Variants in BIVM observed in about 807,000 individuals in gnomAD.
The protein encoded by BIVM is basic immunoglobulin-like variable motif-containing protein.
In BIVM, 31 loss-of-function variants were observed where a neutral mutation model predicts 61.4. The ratio of observed to expected loss-of-function variants is 0.51; its 90% CI spans 0.38 to 0.68. The LOEUF is 0.68. Ranked by LOEUF, BIVM falls within the 30% of genes least tolerant of loss-of-function variation. The pLI is 0.00. For missense variants in BIVM, 526 were observed against 596.0 expected (o/e 0.88, Z 1.22); for synonymous variants, 189 against 210.7 (o/e 0.90, Z 0.89).
chr13:102,838,706 A>C lies in BIVM; in HGVS notation c.1185A>C (p.Leu395Phe). ...QNPEYLDIRH[L>F]ERGLQYRKTK... ...CAGAATACCTGGATATCCGGCACTTAGAGAGGGGACTGCAGTATAGAAAAA... is the reference window on the plus strand; with the variant it reads ...CAGAATACCTGGATATCCGGCACTTCGAGAGGGGACTGCAGTATAGAAAAA... The change falls in exon 10 of 11, where the codon TTA (leucine) becomes TTC (phenylalanine). Residue 395 changes from leucine to phenylalanine, a missense_variant. Physicochemically the swap from Leu to Phe is conservative, Grantham distance 22. This residue lies in a region of BIVM where 210 missense variants were observed against 233.1 expected (regional missense o/e 0.90). Coordinates refer to ENST00000257336, the MANE Select transcript of BIVM (RefSeq NM_017693.4). 6.2e-7 allele frequency: 1 copy of C among 1,613,620 alleles called. No individual in the cohort carries two copies. Among genetic ancestry groups the C allele is most frequent in the Non-Finnish European group, 8.5e-7 (1 of 1,179,712 alleles).
chr13:102,828,766 C>G (rs1032362721), intron 7 of BIVM, among the ~76,000 whole-genome samples: 1 of 152,064 alleles, frequency 6.6e-6, no homozygotes, highest in Non-Finnish European at 1.5e-5. Context: ...TAGTGGCTCA[C>G]GCCTGTAATC....
At chr13:102,816,129 C>T (rs1293589457) in intron 3 of BIVM, among the ~76,000 whole-genome samples, 1 of 152,122 alleles carries the variant, frequency 6.6e-6, no homozygotes, top group Non-Finnish European at 1.5e-5. Flanking sequence ...GTGACTAGCT[C>T]TGGAATTGGA....
chr13:102,829,814 C>T (rs1053631025), intron 7 of BIVM, among the ~76,000 whole-genome samples: 3 of 151,586 alleles, frequency 2.0e-5, no homozygotes, highest in Admixed American at 6.6e-5. Flanking sequence ...ACTCCAGCCT[C>T]GGCGACAGAG....
Position 102,839,759 on chromosome 13 carries a change from T to C in BIVM, c.1406T>C (p.Phe469Ser). 1 of 1,614,174 alleles carries C rather than the reference T, an allele frequency of 6.2e-7. No individual in the cohort carries two copies. The highest frequency in any genetic ancestry group is 8.5e-7 in the Non-Finnish European group (1 of 1,180,038). Residue 469 changes from phenylalanine to serine, a missense_variant, in exon 11 of 11, where the codon TTC (phenylalanine) becomes TCC (serine). Physicochemically the swap from Phe to Ser is radical, Grantham distance 155. This residue lies in a region of BIVM where 210 missense variants were observed against 233.1 expected (regional missense o/e 0.90). Coordinates refer to ENST00000257336, the MANE Select transcript of BIVM (RefSeq NM_017693.4). ...KKQHGRLGRS[F>S]SASFHQDSAW... is the part of the protein sequence containing the mutation. ...CAGCATGGGCGTCTGGGCCGGTCTTTCAGTGCTAGTTTCCATCAGGACTCG... is the reference window on the plus strand; with the variant it reads ...CAGCATGGGCGTCTGGGCCGGTCTTCCAGTGCTAGTTTCCATCAGGACTCG...
chr13:102,825,623 G>A (rs1880618545), intron 7 of BIVM, among the ~76,000 whole-genome samples: 1 of 152,218 alleles, frequency 6.6e-6, no homozygotes, highest in African/African-American at 2.4e-5. Flanking sequence ...GCTCCTCGAT[G>A]TTTCCCTGTT....
At chr13:102,804,610 C>T (rs1878947953) in intron 1 of BIVM, among the ~76,000 whole-genome samples, 1 of 151,944 alleles carries the variant, frequency 6.6e-6, no homozygotes, top group Non-Finnish European at 1.5e-5. Flanking sequence ...TGCACCCGGC[C>T]CTTACTGTCT....
intron 5 of BIVM, 110 bp from the exon 6 acceptor site, chr13:102,821,633 A>G: frequency 5.8e-6 from 5 of 860,326 alleles, no homozygotes; most frequent in Non-Finnish European, 8.3e-6. Flanking sequence ...ATAATGAAAA[A>G]TATTACTAAT....
At chr13:102,822,248 A>G (rs761299202) in intron 7 of BIVM, 89 bp downstream of exon 7, 77 of 1,298,632 alleles carry the variant, frequency 5.9e-5, no homozygotes, top group Non-Finnish European at 8.2e-5. Flanking sequence ...CGTCTCAAAG[A>G]CTGCCTGTTT....
At chr13:102,821,188 T>C (rs1172743612) in intron 5 of BIVM, 56 bp downstream of exon 5, 1 of 1,476,984 alleles carries the variant, frequency 6.8e-7, no homozygotes, top group African/African-American at 1.4e-5. Flanking sequence ...GATGTTGCTT[T>C]TTCTATAACA....
Position 102,799,290 on chromosome 13 carries a change from C to G in BIVM, c.-438C>G, listed in dbSNP as rs556099130. 7 of 221,552 alleles carry G rather than the reference C, an allele frequency of 3.2e-5. No individual in the cohort carries two copies. The East Asian group carries it at 6.7e-4, about 21-fold the overall frequency. 13.7% of individuals were successfully genotyped at this position (221,552 alleles called of 1,614,324 possible). ...TTTTTGCGTTGGTCACCCTGCCCTC[C>G]GCACGTGGAGAGGGCAGGCATAAAG... On this transcript the variant is annotated 5_prime_UTR_variant, in exon 1 of 11. Transcript: ENST00000257336.
Position 102,807,588 on chromosome 13 carries a change from A to G in BIVM, c.321A>G (p.Ser107=). The change falls in exon 3 of 11, where the codon TCA becomes TCG. Residue 107 remains serine, a synonymous_variant. Transcript: ENST00000257336. The surrounding 1 kb of genome is among the most constrained non-coding windows in gnomAD (Gnocchi z 4.0). ...STSLSAGNNS[S]RYIGIPTSTS... is the part of the protein sequence containing the mutation. ...CTTTATCTGCTGGAAATAATTCATCAAGATACATTGGTATCCCGACTAGTA... is the reference window on the plus strand; with the variant it reads ...CTTTATCTGCTGGAAATAATTCATCGAGATACATTGGTATCCCGACTAGTA... 6.2e-6 allele frequency: 10 copies of G among 1,614,194 alleles called. No homozygotes were observed. Among genetic ancestry groups the G allele is most frequent in the Non-Finnish European group, 7.6e-6 (9 of 1,180,042 alleles).
At chr13:102,827,033 A>G (rs1415508747) in intron 7 of BIVM, among the ~76,000 whole-genome samples, 1 of 152,202 alleles carries the variant, frequency 6.6e-6, no homozygotes, top group East Asian at 1.9e-4. Context: ...CTTAGGAATC[A>G]CTATTCTGGA....
chr13:102,828,118 G>A (rs1411577759), intron 7 of BIVM, among the ~76,000 whole-genome samples: 1 of 152,206 alleles, frequency 6.6e-6, no homozygotes, highest in Non-Finnish European at 1.5e-5. Context: ...TGGGCTCTTA[G>A]TAACTGTAAA....
At chr13:102,808,090 C>G (rs1353489240) in intron 3 of BIVM, among the ~76,000 whole-genome samples, 1 of 152,172 alleles carries the variant, frequency 6.6e-6, no homozygotes, top group African/African-American at 2.4e-5. Context: ...TTTATAGGCA[C>G]ATGAAGTTGT....
Position 102,816,461 on chromosome 13 carries a change from C to G in BIVM, c.512C>G (p.Thr171Ser), listed in dbSNP as rs748048085. 5 of 1,587,976 alleles carry G rather than the reference C, an allele frequency of 3.1e-6. No individual in the cohort carries two copies. The highest frequency in any genetic ancestry group is 4.3e-6 in the Non-Finnish European group (5 of 1,170,776). The part of the protein sequence containing the change: ...NAKKQVSKRK[T>S]SDKKGRYQKE... ...AAGAAACAAGTTTCCAAGAGAAAAA[C>G]TTCAGATAAAAAGGGAAGATATCAG... Residue 171 changes from threonine (T) to serine (S), a missense_variant, in exon 4 of 11, where the codon ACT becomes AGT. Around this residue, in one of 3 missense-constraint regions of BIVM, gnomAD observed 312 missense variants for 343.8 expected, o/e 0.91. Transcript: ENST00000257336.
chr13:102,831,825 C>T (rs528127917), intron 8 of BIVM, 128 bp downstream of exon 8: 6 of 872,726 alleles, frequency 6.9e-6, no homozygotes, highest in South Asian at 2.0e-5. Flanking sequence ...GTCAGAAGAT[C>T]GAGACCATCC....
intron 7 of BIVM, among the ~76,000 whole-genome samples, chr13:102,826,001 A>G (rs535850029): frequency 1.1e-4 from 16 of 152,284 alleles, no homozygotes; most frequent in Non-Finnish European, 2.2e-4. Flanking sequence ...TCATTTGTGC[A>G]TCACAGTGCC....
chr13:102,822,090 T>A lies in BIVM; in HGVS notation c.832T>A (p.Phe278Ile), dbSNP rs1016453402. ...GTGGTTTAGACAAATTAATGACCACTTCCATGTAAAAGGATGCTCTTATGT... is the reference window on the plus strand; with the variant it reads ...GTGGTTTAGACAAATTAATGACCACATCCATGTAAAAGGATGCTCTTATGT... The part of the protein sequence containing the change: ...MRWFRQINDH[F>I]HVKGCSYVLY... The change falls in exon 7 of 11, where the codon TTC becomes ATC. Residue 278 changes from phenylalanine (F) to isoleucine (I), a missense_variant. By Grantham distance (21) the Phe-to-Ile change is conservative. Around this residue, in one of 3 missense-constraint regions of BIVM, gnomAD observed 312 missense variants for 343.8 expected, o/e 0.91. Coordinates refer to ENST00000257336, the MANE Select transcript of BIVM (RefSeq NM_017693.4). 1 of 1,613,916 alleles carries A rather than the reference T, an allele frequency of 6.2e-7. No individual in the cohort carries two copies. Among genetic ancestry groups the A allele is most frequent in the African/African-American group, 1.3e-5 (1 of 74,938 alleles).
Position 102,807,826 on chromosome 13 carries a change from A to G in BIVM, c.478+81A>G, listed in dbSNP as rs1879205146. The stretch of plus-strand genomic sequence containing the variant: ...GTCTTGTTTAATCTTGCCATTACAC[A>G]TAGTTTCCTTGTATAATACTAGATA... On this transcript the variant is annotated intron_variant, in intron 3 of 10. Coordinates refer to ENST00000257336, the MANE Select transcript of BIVM (RefSeq NM_017693.4). This position sits in a 1 kb window ranked among gnomAD's most constrained non-coding sequence, Gnocchi z 4.0. 3 of 1,407,284 alleles carry G rather than the reference A, an allele frequency of 2.1e-6. No individual in the cohort carries two copies. The highest frequency in any genetic ancestry group is 9.5e-7 in the Non-Finnish European group (1 of 1,047,296). The allele number at this position is 1,407,284 out of a possible 1,614,324, so 87.2% of individuals were successfully genotyped here. A position where few individuals can be genotyped will look rare whatever the true frequency, so the allele number is the denominator to read the frequency against.
Sources: gnomAD v4.1 joint callset for allele counts (sites outside exome capture counted in the v4.1 genomes callset) on GRCh38, gnomAD v4.1.1 for gene constraint, gnomAD v4.1.1 regional missense constraint, Gnocchi (gnomAD v3.1) non-coding constraint, MANE v1.5 for transcripts, NCBI Gene and HGNC (gene_info 2026-07-23, HGNC 2026-07-21) for gene names.